Variants in VPS13B observed in about 807,000 individuals in gnomAD.
VPS13B encodes intermembrane lipid transfer protein VPS13B.
A neutral mutation model predicts 426.4 loss-of-function variants in VPS13B; 285 were observed. That is an observed-to-expected ratio of 0.67 (90% CI 0.61 to 0.74). The LOEUF (loss-of-function observed/expected upper bound fraction) is 0.74. VPS13B is among the 30% of genes least tolerant of loss of function. The pLI, the probability that VPS13B is intolerant of heterozygous loss-of-function variation, is 0.00. For missense variants in VPS13B, 4,537 were observed against 4,782.6 expected, an observed-to-expected ratio of 0.95 and a Z score of 1.51; for synonymous variants, 1,676 against 1,676.4, an observed-to-expected ratio of 1.00 and a Z score of 0.01.
intron 35 of VPS13B, among the ~76,000 whole-genome samples, chr8:99,691,175 A>G (rs575213284): frequency 1.3e-5 from 2 of 152,174 alleles, no homozygotes; most frequent in South Asian, 4.1e-4. Flanking sequence ...ATAGAGACAG[A>G]AAGAAAATTA....
At chr8:99,048,379 A>G (rs1843341079) in intron 3 of VPS13B, among the ~76,000 whole-genome samples, 1 of 152,160 alleles carries the variant, frequency 6.6e-6, no homozygotes, top group Admixed American at 6.6e-5. Flanking sequence ...GCTCCAGGGT[A>G]TAGTTTAAAT....
intron 33 of VPS13B, among the ~76,000 whole-genome samples, chr8:99,634,564 T>A (rs1287544411): frequency 6.6e-6 from 1 of 152,056 alleles, no homozygotes; most frequent in Admixed American, 6.6e-5. Flanking sequence ...TACTGCAGTA[T>A]TGTGAAAAAC....
intron 19 of VPS13B, among the ~76,000 whole-genome samples, chr8:99,376,202 T>A (rs747383258): frequency 6.6e-6 from 1 of 152,196 alleles, no homozygotes. Flanking sequence ...CTGCCAAATT[T>A]TAGTGATCTA....
intron 34 of VPS13B, among the ~76,000 whole-genome samples, chr8:99,654,708 A>G (rs1039101040): frequency 6.6e-6 from 1 of 152,134 alleles, no homozygotes; most frequent in Non-Finnish European, 1.5e-5. Flanking sequence ...CTTTAATAAC[A>G]TCAATTTCAT....
chr8:99,586,195 G>A (rs1342204945), intron 33 of VPS13B, among the ~76,000 whole-genome samples: 1 of 152,130 alleles, frequency 6.6e-6, no homozygotes, highest in Non-Finnish European at 1.5e-5. Flanking sequence ...GTTAAAACAG[G>A]ATTTCTGTTT....
intron 2 of VPS13B, among the ~76,000 whole-genome samples, chr8:99,014,380 A>G (rs1841497530): frequency 6.6e-6 from 1 of 151,646 alleles, no homozygotes; most frequent in Admixed American, 6.6e-5. Context: ...AGTCTTCCGA[A>G]GTGCTGGGAT....
At chr8:99,608,714 C>G (rs1475223523) in intron 33 of VPS13B, among the ~76,000 whole-genome samples, 1 of 152,108 alleles carries the variant, frequency 6.6e-6, no homozygotes, top group Non-Finnish European at 1.5e-5. Flanking sequence ...ATCTATTTGC[C>G]TATTCTGGGC....
intron 32 of VPS13B, among the ~76,000 whole-genome samples, chr8:99,576,365 GTTACGGTGACTATTTTTTT>G (rs2133809782): frequency 6.6e-6 from 1 of 151,436 alleles, no homozygotes; most frequent in Non-Finnish European, 1.5e-5. Context: ...CTTGGGTAAT[GTTACGGTGACTATTTTTTT>G]TTAATCCTGA....
At chr8:99,293,372 A>C (rs1222519268) in intron 19 of VPS13B, among the ~76,000 whole-genome samples, 2 of 106,980 alleles carry the variant, frequency 1.9e-5, no homozygotes, top group Non-Finnish European at 3.8e-5. Flanking sequence ...CCTTCCTTAC[A>C]CCTTATACAA....
At chr8:99,203,086 T>C (rs1814450967) in intron 17 of VPS13B, among the ~76,000 whole-genome samples, 1 of 150,678 alleles carries the variant, frequency 6.6e-6, no homozygotes, top group South Asian at 2.1e-4. Flanking sequence ...CTGATATCCC[T>C]GATGAACATC....
chr8:99,174,931 C>T (rs1193083168), intron 16 of VPS13B, among the ~76,000 whole-genome samples: 1 of 152,090 alleles, frequency 6.6e-6, no homozygotes, highest in East Asian at 1.9e-4. Flanking sequence ...GATAGCATAA[C>T]ACTTTTGGAT....
intron 3 of VPS13B, among the ~76,000 whole-genome samples, chr8:99,048,659 A>G (rs981819226): frequency 6.6e-6 from 1 of 152,082 alleles, no homozygotes; most frequent in African/African-American, 2.4e-5. Context: ...TGCTAAAAAT[A>G]CAAAAATTAG....
intron 19 of VPS13B, among the ~76,000 whole-genome samples, chr8:99,351,015 G>T (rs890562502): frequency 6.6e-6 from 1 of 151,848 alleles, no homozygotes; most frequent in Non-Finnish European, 1.5e-5. Context: ...TAAAAGAAAT[G>T]CAGTAATGGT....
At chr8:99,267,642 G>A (rs998669231) in intron 17 of VPS13B, among the ~76,000 whole-genome samples, 1 of 151,700 alleles carries the variant, frequency 6.6e-6, no homozygotes, top group African/African-American at 2.4e-5. Context: ...CAGGAGAATC[G>A]CTTGAACCAG....
chr8:99,686,970 A>C (rs1831437142), intron 35 of VPS13B, among the ~76,000 whole-genome samples: 2 of 152,142 alleles, frequency 1.3e-5, no homozygotes, highest in Admixed American at 1.3e-4. Context: ...GCTGGGTCAC[A>C]GCTCAAACCA....
In VPS13B at chr8:99,819,490, T is replaced by C. The variant is rs1316265619; in HGVS notation, c.8700T>C (p.Pro2900=). The C allele has an allele frequency of 1.2e-6, 2 of 1,613,806 alleles. No individual in the cohort carries two copies. Among genetic ancestry groups the C allele is most frequent in the African/African-American group, 2.7e-5 (2 of 74,910 alleles). ...AGCAAATAGCCACTAAGGTACACCC[T>C]GGAGGCACAGTTAATCAGATCCTTG... ...LIKQIATKVH[P]GGTVNQILDE... The change falls in exon 48 of 62, where the codon CCT becomes CCC. Residue 2900 remains proline, a synonymous_variant. Transcript: ENST00000357162.
At chr8:99,173,613 A>T (rs950600809) in intron 16 of VPS13B, among the ~76,000 whole-genome samples, 3 of 152,184 alleles carry the variant, frequency 2.0e-5, no homozygotes, top group African/African-American at 7.2e-5. Flanking sequence ...CTTTAACTAA[A>T]TGCCTTAAAA....
At position 99,820,142 on chromosome 8, in the gene VPS13B, T is replaced by A; in HGVS notation, c.8994+20T>A. 6.2e-7 allele frequency: 1 copy of A among 1,602,492 alleles called. No individual in the cohort carries two copies. The highest frequency in any genetic ancestry group is 8.5e-7 in the Non-Finnish European group (1 of 1,170,196). ...TTTCAGGTACTATAACTTTTTTAACTAATACGAATTCTTATCTCTCAACAA... is the reference window on the plus strand; with the variant it reads ...TTTCAGGTACTATAACTTTTTTAACAAATACGAATTCTTATCTCTCAACAA... On this transcript the variant is annotated intron_variant, in intron 49 of 61. Coordinates refer to ENST00000357162, the MANE Select transcript of VPS13B (RefSeq NM_152564.5).
rs545680020 is a variant in VPS13B at position 99,100,393 on chromosome 8, C to T, written c.413-2560C>T. Among the ~76,000 whole-genome samples, 16 of 152,192 alleles carry T rather than the reference C, an allele frequency of 1.1e-4. No individual in the cohort carries two copies. In the South Asian group the frequency reaches 3.1e-3, roughly 30 times the overall value. On this transcript the variant is annotated intron_variant, in intron 4 of 61. Transcript: ENST00000357162. ...GCAACCTCCGCCTCTGGTGCTCAAG[C>T]GATTCTCTTGCCTTAGCCTCCTGAG...
Sources: allele counts gnomAD v4.1 joint callset (sites outside exome capture counted in the v4.1 genomes callset), GRCh38; gene constraint gnomAD v4.1.1; transcripts MANE v1.5; gene names NCBI Gene and HGNC (gene_info 2026-07-23, HGNC 2026-07-21).